The following BLZF1 variants were observed in gnomAD, a reference collection of about 807,000 sequenced individuals.
The protein encoded by BLZF1 is basic leucine zipper nuclear factor 1.
BLZF1 carries 39 observed loss-of-function variants against 43.8 expected under a neutral mutation model. The ratio of observed to expected loss-of-function variants is 0.89; its 90% CI spans 0.69 to 1.16. The LOEUF (loss-of-function observed/expected upper bound fraction) is 1.16. Ranked by LOEUF, BLZF1 falls within the 50% of genes most tolerant of loss-of-function variation. The pLI, the probability that BLZF1 is intolerant of heterozygous loss-of-function variation, is 0.00. For synonymous variants in BLZF1, 136 were observed against 159.4 expected, an observed-to-expected ratio of 0.85 and a Z score of 1.11; for missense variants, 449 against 469.8, an observed-to-expected ratio of 0.96 and a Z score of 0.41.
In BLZF1 at chr1:169,376,870, A is replaced by AT; in HGVS notation, c.360dup (p.Lys121Ter). ...CAGTCAGAGGGAGTTATAGAACCTA[A>AT]TAAGGAACTCTCAGAGGTAAAGAAT... On this transcript the variant is annotated frameshift_variant, in exon 3 of 7. Transcript: ENST00000367808. LOFTEE classifies it high-confidence loss of function. 2 of 1,613,284 alleles carry AT rather than the reference A, an allele frequency of 1.2e-6. No individual in the cohort carries two copies. Among genetic ancestry groups the AT allele is most frequent in the Non-Finnish European group, 1.7e-6 (2 of 1,179,476 alleles).
At chr1:169,393,882 G>A (rs1251487836) in intron 7 of BLZF1, among the ~76,000 whole-genome samples, 4 of 152,142 alleles carry the variant, frequency 2.6e-5, no homozygotes, top group African/African-American at 7.2e-5. Context: ...GATTACAGGC[G>A]TGAGCCACCG....
intron 4 of BLZF1, 26 bp from the exon 5 acceptor site, chr1:169,380,455 A>G: frequency 1.9e-6 from 3 of 1,599,450 alleles, no homozygotes; most frequent in East Asian, 2.2e-5. Context: ...CAGCAAATTT[A>G]TATGTAAGAT....
chr1:169,371,834 A>C (rs189559803), intron 2 of BLZF1, among the ~76,000 whole-genome samples: 1 of 152,352 alleles, frequency 6.6e-6, no homozygotes, highest in Non-Finnish European at 1.5e-5. Flanking sequence ...GAAAGGTCTG[A>C]GACATTTAAA....
At chr1:169,382,800 C>T (rs1654563149) in intron 6 of BLZF1, among the ~76,000 whole-genome samples, 2 of 152,138 alleles carry the variant, frequency 1.3e-5, no homozygotes, top group African/African-American at 4.8e-5. Context: ...TCTCATGTCC[C>T]CATCTGGGTC....
intron 2 of BLZF1, among the ~76,000 whole-genome samples, chr1:169,370,342 G>A (rs909821491): frequency 1.3e-5 from 2 of 152,058 alleles, no homozygotes; most frequent in Non-Finnish European, 2.9e-5. Context: ...AAAGATTTGG[G>A]GGACACAATT....
At chr1:169,396,149 A>G (rs1353947481) in exon 8 of BLZF1, 1 of 152,224 alleles carries the variant, frequency 6.6e-6, no homozygotes, top group African/African-American at 2.4e-5. Context: ...GACAGTATGC[A>G]TACTGGTGTT....
Position 169,376,990 on chromosome 1 carries a change from C to G in BLZF1, c.468+11C>G. 1 of 1,604,290 alleles carries G rather than the reference C, an allele frequency of 6.2e-7. No individual in the cohort carries two copies. Among genetic ancestry groups the G allele is most frequent in the South Asian group, 1.1e-5 (1 of 90,204 alleles). On this transcript the variant is annotated intron_variant, in intron 3 of 6. Transcript: ENST00000367808. ...CGTGTACAGACAGAGGTAAGAAGAG[C>G]CTTAATCGATAAAATGAGTACTACT...
In BLZF1 at chr1:169,382,754, G is replaced by A. The variant is rs1533519; in HGVS notation, c.1017+473G>A. On this transcript the variant is annotated intron_variant, in intron 6 of 6. Coordinates refer to ENST00000367808, the MANE Select transcript of BLZF1 (RefSeq NM_001320973.2). The stretch of plus-strand genomic sequence containing the variant: ...GGCTTGTCAAATACTCATCTCACAT[G>A]TCTGTGACAACAACCAAGTTCACCT... Among the ~76,000 whole-genome samples the A allele has an allele frequency of 0.056, 8,513 of 152,186 alleles. 1,391 individuals carry two copies. In the East Asian group the frequency reaches 0.66, roughly 12 times the overall value.
intron 7 of BLZF1, chr1:169,395,275 C>A: frequency 1.5e-6 from 2 of 1,292,462 alleles, no homozygotes; most frequent in Non-Finnish European, 2.1e-6. Flanking sequence ...TATAAAGTTA[C>A]TATTATAGAC....
intron 1 of BLZF1, among the ~76,000 whole-genome samples, chr1:169,368,943 G>T (rs530837898): frequency 6.6e-6 from 1 of 152,134 alleles, no homozygotes; most frequent in African/African-American, 2.4e-5. Context: ...GCATGGGCTC[G>T]ATATGTTTCT....
intron 2 of BLZF1, among the ~76,000 whole-genome samples, chr1:169,372,404 T>C (rs1654153107): frequency 6.6e-6 from 1 of 152,140 alleles, no homozygotes; most frequent in Non-Finnish European, 1.5e-5. Flanking sequence ...TGAAACACTC[T>C]AGGTAGTGTA....
chr1:169,371,561 A>G (rs1010945060), intron 2 of BLZF1, among the ~76,000 whole-genome samples: 1 of 152,188 alleles, frequency 6.6e-6, no homozygotes, highest in Non-Finnish European at 1.5e-5. Flanking sequence ...GACATTTGTC[A>G]GTTGTCTGTG....
intron 1 of BLZF1, among the ~76,000 whole-genome samples, chr1:169,369,139 A>T (rs1018956323): frequency 6.6e-5 from 10 of 152,182 alleles, no homozygotes; most frequent in African/African-American, 2.2e-4. Context: ...ATTACTTTAA[A>T]ATTCCTCTTG....
downstream of BLZF1, among the ~76,000 whole-genome samples, chr1:169,391,975 A>G (rs1654825942): frequency 8.0e-6 from 1 of 124,434 alleles, no homozygotes; most frequent in South Asian, 2.4e-4. Flanking sequence ...GGCCCAGGAA[A>G]GACCTAGGCA....
In BLZF1 at chr1:169,373,038, T is replaced by C. The variant is rs1269373512; in HGVS notation, c.28+3488T>C. Among the ~76,000 whole-genome samples the C allele has an allele frequency of 5.3e-5, 8 of 152,188 alleles. No individual in the cohort carries two copies. The East Asian group carries it at 1.3e-3, about 26-fold the overall frequency. ...TCATCAATAAATTTTTTTTCTCTTA[T>C]TAAATACTTACATGGTATCCTCAAT... On this transcript the variant is annotated intron_variant, in intron 2 of 6. Transcript: ENST00000367808.
intron 6 of BLZF1, among the ~76,000 whole-genome samples, chr1:169,383,437 A>ATT (rs1654582564): frequency 6.6e-6 from 1 of 152,090 alleles, no homozygotes; most frequent in Non-Finnish European, 1.5e-5. Flanking sequence ...TCTTCCCTCT[A>ATT]TTGTAAGATG....
chr1:169,395,198 C>A lies in BLZF1; in HGVS notation c.*28-696C>A, dbSNP rs540305771. On this transcript the variant is annotated intron_variant, in intron 7 of 7. Transcript: ENST00000329281. ...TGCCATTTTTTCCATCCGTTTCCTT[C>A]TTAACCATCTGTAGAAACAGGCATG... The A allele has an allele frequency of 1.2e-5, 19 of 1,610,674 alleles. No homozygotes were observed. In the South Asian group the frequency reaches 1.9e-4, roughly 16 times the overall value.
chr1:169,376,449 A>G, intron 2 of BLZF1, 91 bp from the exon 3 acceptor site: 1 of 1,044,328 alleles, frequency 9.6e-7, no homozygotes, highest in Non-Finnish European at 1.3e-6. Flanking sequence ...TTTTAGTGCC[A>G]GTAATTTTGA....
chr1:169,385,844 A>G (rs982383500), intron 6 of BLZF1, among the ~76,000 whole-genome samples: 2 of 152,158 alleles, frequency 1.3e-5, no homozygotes, highest in African/African-American at 4.8e-5. Flanking sequence ...GGACCACATG[A>G]CCGCTAGGGA....
Sources: gnomAD v4.1 joint callset for allele counts (sites outside exome capture counted in the v4.1 genomes callset) on GRCh38, gnomAD v4.1.1 for gene constraint, MANE v1.5 for transcripts, NCBI Gene and HGNC (gene_info 2026-07-23, HGNC 2026-07-21) for gene names.